Variants in PCDH15 observed in about 807,000 individuals in gnomAD.
PCDH15 encodes protocadherin related 15, also known as protocadherin-15.
In PCDH15, 129 loss-of-function variants were observed where a neutral mutation model predicts 178.5. That is an observed-to-expected ratio of 0.72 (90% CI 0.63 to 0.84). PCDH15 has a LOEUF of 0.84. PCDH15 is among the 40% of genes least tolerant of loss of function. The pLI is 0.00. For synonymous variants in PCDH15, 800 were observed against 732.0 expected (o/e 1.09, Z -1.50); for missense variants, 2,230 against 2,099.9 (o/e 1.06, Z -1.21).
chr10:54,782,040 T>C (rs1421877671), intron 1 of PCDH15, among the ~76,000 whole-genome samples: 4 of 152,098 alleles, frequency 2.6e-5, no homozygotes, highest in African/African-American at 4.8e-5. Context: ...AAAAGCAAAA[T>C]ACATTCTTTA....
At chr10:55,589,628 C>T (rs1446516717) in intron 2 of PCDH15, among the ~76,000 whole-genome samples, 1 of 152,118 alleles carries the variant, frequency 6.6e-6, no homozygotes, top group African/African-American at 2.4e-5. Flanking sequence ...AAAAAACAAA[C>T]AACCCCATCA....
At chr10:54,060,720 T>C (rs1303212113) in intron 18 of PCDH15, among the ~76,000 whole-genome samples, 1 of 152,188 alleles carries the variant, frequency 6.6e-6, no homozygotes, top group Non-Finnish European at 1.5e-5. Context: ...TTTAAGCTGT[T>C]CATTAAGTTC....
Position 54,832,558 on chromosome 10 carries a change from C to T in PCDH15, c.-29+64892G>A, listed in dbSNP as rs559423556. 5.9e-5 allele frequency among the ~76,000 whole-genome samples: 9 copies of T among 152,242 alleles called. No individual in the cohort carries two copies. The South Asian group carries it at 1.9e-3, about 32-fold the overall frequency. On this transcript the variant is annotated intron_variant, in intron 3 of 5. Coordinates refer to the PCDH15 transcript ENST00000458638. ...CGTGCATACCATAGTGAAGATCTAA[C>T]ATGCTATTTAGTCCTAATCTGGCCA...
intron 5 of PCDH15, among the ~76,000 whole-genome samples, chr10:54,359,951 C>A (rs1215876114): frequency 6.6e-6 from 1 of 151,936 alleles, no homozygotes; most frequent in Non-Finnish European, 1.5e-5. Context: ...AATTAATATG[C>A]AATTACTAAT....
At chr10:55,345,743 A>T (rs1200474151) in intron 2 of PCDH15, among the ~76,000 whole-genome samples, 3 of 151,810 alleles carry the variant, frequency 2.0e-5, no homozygotes, top group African/African-American at 7.3e-5. Context: ...CCTTCATAAG[A>T]TGTTTTATTA....
At chr10:55,466,096 G>T (rs1315139398) in intron 2 of PCDH15, among the ~76,000 whole-genome samples, 4 of 152,018 alleles carry the variant, frequency 2.6e-5, no homozygotes, top group African/African-American at 9.7e-5. Flanking sequence ...ATCATTAATG[G>T]GGAGCCAGCC....
chr10:55,530,011 A>C (rs1470188503), intron 2 of PCDH15, among the ~76,000 whole-genome samples: 1 of 151,630 alleles, frequency 6.6e-6, no homozygotes, highest in Non-Finnish European at 1.5e-5. Flanking sequence ...CCTGAGTGCA[A>C]TAGGAGTATA....
chr10:55,537,989 C>T (rs957375276), intron 2 of PCDH15, among the ~76,000 whole-genome samples: 1 of 152,144 alleles, frequency 6.6e-6, no homozygotes, highest in Admixed American at 6.5e-5. Flanking sequence ...ATGATAAAAT[C>T]ACACTTGAAT....
intron 20 of PCDH15, among the ~76,000 whole-genome samples, chr10:54,009,806 C>G (rs1379010357): frequency 5.3e-5 from 8 of 152,080 alleles, no homozygotes; most frequent in Admixed American, 6.5e-5. Flanking sequence ...GAGATCTCCC[C>G]CATGAGCTCC....
intron 8 of PCDH15, among the ~76,000 whole-genome samples, chr10:54,244,132 T>A (rs566625245): frequency 2.0e-4 from 31 of 152,288 alleles, no homozygotes; most frequent in African/African-American, 7.0e-4. Context: ...AATACCCTTG[T>A]TTTATTATTT....
intron 1 of PCDH15, among the ~76,000 whole-genome samples, chr10:54,700,162 A>G (rs1447694539): frequency 6.6e-6 from 1 of 152,052 alleles, no homozygotes; most frequent in African/African-American, 2.4e-5. Flanking sequence ...AACCCACCAT[A>G]TTCCTCTATC....
At chr10:55,555,382 T>C (rs995696817) in intron 2 of PCDH15, among the ~76,000 whole-genome samples, 1 of 152,124 alleles carries the variant, frequency 6.6e-6, no homozygotes. Context: ...GTATTTTCAA[T>C]ATAAGAAAGC....
At chr10:54,355,282 T>C (rs900704617) in intron 5 of PCDH15, among the ~76,000 whole-genome samples, 6 of 152,014 alleles carry the variant, frequency 3.9e-5, no homozygotes, top group Non-Finnish European at 8.8e-5. Context: ...TTCTGCCTGA[T>C]GTTATTATTC....
At chr10:54,375,548 T>C (rs994270105) in intron 4 of PCDH15, among the ~76,000 whole-genome samples, 1 of 151,976 alleles carries the variant, frequency 6.6e-6, no homozygotes, top group Non-Finnish European at 1.5e-5. Context: ...GTGTCTTCCT[T>C]ATAAGCCAAA....
chr10:54,970,811 G>C (rs1251858478), intron 2 of PCDH15, among the ~76,000 whole-genome samples: 1 of 152,096 alleles, frequency 6.6e-6, no homozygotes, highest in Non-Finnish European at 1.5e-5. Context: ...CAGGCCTCAA[G>C]ATTTAAAGTT....
At chr10:55,119,873 GTATA>G (rs997934013) in intron 2 of PCDH15, among the ~76,000 whole-genome samples, 8 of 152,196 alleles carry the variant, frequency 5.3e-5, no homozygotes, top group African/African-American at 1.7e-4. Context: ...GAGAGACTTA[GTATA>G]TATGTGTGTG....
At chr10:54,732,252 C>T (rs1245707652) in intron 1 of PCDH15, among the ~76,000 whole-genome samples, 2 of 151,188 alleles carry the variant, frequency 1.3e-5, no homozygotes, top group African/African-American at 2.4e-5. Flanking sequence ...GGGCATATCA[C>T]ATTAATAAAA....
At chr10:54,622,831 C>T (rs754655060) in intron 2 of PCDH15, among the ~76,000 whole-genome samples, 2 of 105,260 alleles carry the variant, frequency 1.9e-5, no homozygotes, top group Admixed American at 1.1e-4. Flanking sequence ...CACTATCTCT[C>T]GTGTCTGTGA....
chr10:55,025,153 G>A (rs919014338), intron 2 of PCDH15, among the ~76,000 whole-genome samples: 2 of 149,876 alleles, frequency 1.3e-5, no homozygotes, highest in Non-Finnish European at 3.0e-5. Flanking sequence ...GTGTACGTAT[G>A]CATGTGTGTG....
Sources: allele counts gnomAD v4.1 joint callset (sites outside exome capture counted in the v4.1 genomes callset), GRCh38; gene constraint gnomAD v4.1.1; transcripts MANE v1.5; gene names NCBI Gene and HGNC (gene_info 2026-07-23, HGNC 2026-07-21).